Variants in MTHFD1 observed in about 807,000 individuals in gnomAD.
MTHFD1 encodes the protein methylenetetrahydrofolate dehydrogenase, cyclohydrolase and formyltetrahydrofolate synthetase 1.
MTHFD1 carries 44 observed loss-of-function variants against 110.3 expected under a neutral mutation model. That is an observed-to-expected ratio of 0.40 (90% CI 0.31 to 0.51). MTHFD1 has a LOEUF of 0.51. Ranked by LOEUF, MTHFD1 falls within the 20% of genes least tolerant of loss-of-function variation. MTHFD1 has a pLI of 0.60. For synonymous variants in MTHFD1, 402 were observed against 428.8 expected (o/e 0.94, Z 0.77); for missense variants, 909 against 1,173.1 (o/e 0.77, Z 3.29).
chr14:64,408,975 C>A (rs1045684191), intron 2 of MTHFD1, among the ~76,000 whole-genome samples: 1 of 151,962 alleles, frequency 6.6e-6, no homozygotes, highest in African/African-American at 2.4e-5. Context: ...TAAATAAAAC[C>A]TATACTAAGA....
In MTHFD1 at chr14:64,425,819, T is replaced by C. The variant is rs756847701; in HGVS notation, c.945T>C (p.Pro315=). The change falls in exon 10 of 28, where the codon CCT becomes CCC. Residue 315 remains proline, a synonymous_variant. Transcript: ENST00000652337. ...ATAACAACCTTAACCTCAAGACACC[T>C]GTTCCAAGGTAAAAATAAAGTTTTA... ...IQYNNLNLKT[P]VPSDIDISRS... is the part of the protein sequence containing the mutation. 6.2e-7 allele frequency: 1 copy of C among 1,613,606 alleles called. No individual in the cohort carries two copies. Among genetic ancestry groups the C allele is most frequent in the East Asian group, 2.2e-5 (1 of 44,890 alleles).
chr14:64,458,453 G>A, intron 27 of MTHFD1, 146 bp downstream of exon 27: 1 of 706,346 alleles, frequency 1.4e-6, no homozygotes, highest in South Asian at 1.5e-5. Context: ...AGAGGGGATA[G>A]TAATGAGAGT....
At chr14:64,411,229 C>A in intron 3 of MTHFD1, 80 bp downstream of exon 3, 1 of 1,094,994 alleles carries the variant, frequency 9.1e-7, no homozygotes, top group Non-Finnish European at 1.4e-6. Context: ...CTTTTTGGTC[C>A]TCCCTGTGAA....
chr14:64,410,411 G>C (rs947638312), intron 2 of MTHFD1, among the ~76,000 whole-genome samples: 488 of 151,576 alleles, frequency 3.2e-3, no homozygotes, highest in Non-Finnish European at 5.2e-3. Context: ...TAAAGATGGG[G>C]GGGGGGGTCT....
intron 16 of MTHFD1, among the ~76,000 whole-genome samples, chr14:64,436,879 G>A (rs1332633502): frequency 1.3e-5 from 2 of 152,134 alleles, no homozygotes; most frequent in Admixed American, 1.3e-4. Context: ...GCAACTAGAG[G>A]CAGTCATACC....
rs773185424 is a variant in MTHFD1, at chr14:64,417,902, G to C, written c.493G>C (p.Gly165Arg). Residue 165 changes from glycine to arginine, a missense_variant, in exon 7 of 28, where the codon GGA becomes CGA. Physicochemically the swap from Gly to Arg is moderately radical, Grantham distance 125 (BLOSUM62 -2). This residue lies in a region of MTHFD1 where 424 missense variants were observed against 510.4 expected (regional missense o/e 0.83). Transcript: ENST00000652337. This position sits in a 1 kb window ranked among gnomAD's most constrained non-coding sequence, Gnocchi z 4.4. ...LIKETGVPIA[G>R]RHAVVVGRSK... ...TTTTCTTTCAGGGGTGCCGATTGCC[G>C]GAAGGCATGCTGTGGTGGTTGGGCG... The C allele has an allele frequency of 3.7e-6, 6 of 1,612,806 alleles. No individual in the cohort carries two copies. Among genetic ancestry groups the C allele is most frequent in the Non-Finnish European group, 5.1e-6 (6 of 1,179,938 alleles).
At chr14:64,452,428 C>T (rs2078387977) in intron 24 of MTHFD1, among the ~76,000 whole-genome samples, 1 of 152,192 alleles carries the variant, frequency 6.6e-6, no homozygotes, top group Non-Finnish European at 1.5e-5. Flanking sequence ...CTTTAGGCAA[C>T]CTCTCCGTAT....
intron 2 of MTHFD1, among the ~76,000 whole-genome samples, chr14:64,404,051 G>C (rs2077920044): frequency 6.6e-6 from 1 of 152,168 alleles, no homozygotes; most frequent in Admixed American, 6.5e-5. Context: ...TTAACACAAT[G>C]AAAAAGGCAA....
Position 64,397,156 on chromosome 14 carries a change from TATATATATATATATATATA to T in MTHFD1, c.42-3636_42-3618del, listed in dbSNP as rs1566553075. ...AAAAAAAAATATATATATATATATA[TATATATATATATATATATA>T]TATATATATATATATAAAAAACAGT... On this transcript the variant is annotated intron_variant, in intron 1 of 27. Coordinates refer to ENST00000652337, the MANE Select transcript of MTHFD1 (RefSeq NM_005956.4). 7.9e-3 allele frequency among the ~76,000 whole-genome samples: 46 copies of T among 5,794 alleles called. 2 individuals carry two copies. Among genetic ancestry groups the T allele is most frequent in the African/African-American group, 0.026 (39 of 1,480 alleles). 3.8% of individuals were successfully genotyped at this position (5,794 alleles called of 152,430 possible).
At chr14:64,441,797 C>T (rs2078251637) in intron 19 of MTHFD1, 8 of 551,766 alleles carry the variant, frequency 1.4e-5, no homozygotes, top group Non-Finnish European at 2.2e-5. Flanking sequence ...AGCGAGACTC[C>T]GTGTCAAAAA....
At chr14:64,434,506 T>G (rs1012421333) in intron 15 of MTHFD1, among the ~76,000 whole-genome samples, 3 of 152,178 alleles carry the variant, frequency 2.0e-5, no homozygotes, top group Non-Finnish European at 4.4e-5. Flanking sequence ...CAGTGAGCTA[T>G]CATTGGGCCA....
chr14:64,408,612 C>T (rs898207943), intron 2 of MTHFD1, among the ~76,000 whole-genome samples: 1 of 152,120 alleles, frequency 6.6e-6, no homozygotes, highest in Non-Finnish European at 1.5e-5. Flanking sequence ...TTTAAACATT[C>T]TTTTTGCATC....
intron 2 of MTHFD1, among the ~76,000 whole-genome samples, chr14:64,401,097 T>A (rs1566555084): frequency 6.6e-6 from 1 of 152,172 alleles, no homozygotes; most frequent in Non-Finnish European, 1.5e-5. Flanking sequence ...TAGGCCAGTG[T>A]CTCTTAACCT....
intron 15 of MTHFD1, among the ~76,000 whole-genome samples, chr14:64,434,949 C>CTTTTTTTTTTTTTTTTTTTTTTTTT (rs374039248): frequency 1.2e-5 from 1 of 80,824 alleles, no homozygotes. Flanking sequence ...TCCCTCTTTT[C>CTTTTTTTTTTTTTTTTTTTTTTTTT]TTTTTTTTTT....
chr14:64,401,633 G>A (rs1044970230), intron 2 of MTHFD1, among the ~76,000 whole-genome samples: 1 of 151,132 alleles, frequency 6.6e-6, no homozygotes, highest in African/African-American at 2.4e-5. Context: ...AACCCGGGAG[G>A]TGGAGGTTGC....
chr14:64,388,705 C>CT, intron 1 of MTHFD1: 1 of 598,358 alleles, frequency 1.7e-6, no homozygotes, highest in Non-Finnish European at 3.0e-6. Flanking sequence ...CCTGTGCCGA[C>CT]TATGCTCCCA....
chr14:64,395,359 G>A (rs1342183265), intron 1 of MTHFD1, among the ~76,000 whole-genome samples: 2 of 152,188 alleles, frequency 1.3e-5, no homozygotes, highest in African/African-American at 2.4e-5. Flanking sequence ...TAGCAATACT[G>A]TACTGTCTAT....
chr14:64,436,337 G>A (rs1343777571), intron 16 of MTHFD1, among the ~76,000 whole-genome samples: 2 of 152,014 alleles, frequency 1.3e-5, no homozygotes, highest in South Asian at 2.1e-4. Flanking sequence ...CTCATGATCC[G>A]CCCACCTCAG....
In MTHFD1 at chr14:64,442,240, T is replaced by A; in HGVS notation, c.1997-23T>A. The A allele has an allele frequency of 2.5e-6, 4 of 1,614,254 alleles. No homozygotes were observed. In the South Asian group the frequency reaches 4.4e-5, roughly 18 times the overall value. ...ATCAGGGGAATTGGGATGGCATTTT[T>A]ACTGTTGCTTTCCTCTTTACAGTGA... On this transcript the variant is annotated intron_variant, in intron 20 of 27. Coordinates refer to ENST00000652337, the MANE Select transcript of MTHFD1 (RefSeq NM_005956.4).
Sources: gnomAD v4.1 joint callset for allele counts (sites outside exome capture counted in the v4.1 genomes callset) on GRCh38, gnomAD v4.1.1 for gene constraint, gnomAD v4.1.1 regional missense constraint, Gnocchi (gnomAD v3.1) non-coding constraint, MANE v1.5 for transcripts, NCBI Gene and HGNC (gene_info 2026-07-23, HGNC 2026-07-21) for gene names.